Variants in APBA3 observed in about 807,000 individuals in gnomAD.
APBA3 encodes amyloid-beta A4 precursor protein-binding family A member 3.
In APBA3, 45 loss-of-function variants were observed where a neutral mutation model predicts 55.9. The ratio of observed to expected loss-of-function variants is 0.80; its 90% CI spans 0.63 to 1.03. The LOEUF (loss-of-function observed/expected upper bound fraction) is 1.03. Ranked by LOEUF, APBA3 falls within the 50% of genes least tolerant of loss-of-function variation. The pLI is 0.00. For missense variants in APBA3, 865 were observed against 820.3 expected (o/e 1.05, Z -0.67); for synonymous variants, 370 against 353.3 (o/e 1.05, Z -0.53).
At chr19:3,754,170 C>CG in intron 4 of APBA3, 25 bp downstream of exon 4, 1 of 1,543,494 alleles carries the variant, frequency 6.5e-7, no homozygotes. Context: ...CCCGCCTGCC[C>CG]GCCCGGCCCC....
chr19:3,760,570 A>G (rs1309862271), intron 1 of APBA3, among the ~76,000 whole-genome samples: 2 of 147,636 alleles, frequency 1.4e-5, no homozygotes, highest in Admixed American at 6.9e-5. Context: ...TAACATGGTG[A>G]AATTCCGTCT....
In APBA3 at chr19:3,752,868, G is replaced by C. The variant is rs1459945853; in HGVS notation, c.1134C>G (p.Leu378=). ...GVHPSPGACH[L]HNGDLDHFSN... ...AGAAGTGGTCCAGGTCCCCATTATGGAGGTGGCAGGCGCCTGGGCTCGGGT... is the reference window on the plus strand; with the variant it reads ...AGAAGTGGTCCAGGTCCCCATTATGCAGGTGGCAGGCGCCTGGGCTCGGGT... The change falls in exon 7 of 11, where the codon CTC becomes CTG. Residue 378 remains leucine (L), a synonymous_variant. Coordinates refer to ENST00000316757, the MANE Select transcript of APBA3 (RefSeq NM_004886.4). 6.2e-7 allele frequency: 1 copy of C among 1,613,300 alleles called. No homozygotes were observed. The highest frequency in any genetic ancestry group is 2.2e-5 in the East Asian group (1 of 44,864).
In APBA3 at chr19:3,752,952, G is replaced by A. The variant is rs367941981; in HGVS notation, c.1050C>T (p.Ala350=). ...LIAQAIGQAF[A]AAYSQFLRES... is the part of the protein sequence containing the mutation. ...CCCGTAGGAACTGGCTGTAGGCGGC[G>A]GCGAAGGCCTGGCCAATGGCCTGGG... The change falls in exon 7 of 11, where the codon GCC becomes GCT. Residue 350 remains alanine (A), a synonymous_variant. Transcript: ENST00000316757. 2.6e-5 allele frequency: 42 copies of A among 1,612,892 alleles called. No individual in the cohort carries two copies. Among genetic ancestry groups the A allele is most frequent in the Non-Finnish European group, 3.0e-5 (35 of 1,179,924 alleles).
At position 3,760,038 on chromosome 19, in the gene APBA3, G is replaced by A. The variant is rs1343066427; in HGVS notation, c.227C>T (p.Pro76Leu). The change falls in exon 2 of 11, where the codon CCA becomes CTA. Residue 76 changes from proline (P) to leucine (L), a missense_variant. Physicochemically the swap from Pro to Leu is moderately conservative, Grantham distance 98. Coordinates refer to ENST00000316757, the MANE Select transcript of APBA3 (RefSeq NM_004886.4). The stretch of plus-strand genomic sequence containing the variant: ...GTGTAGGGGACAGGGGGCTCCACCT[G>A]GGGATGGGCCCACCAGATCGCCTGG... The part of the protein sequence containing the change: ...ALPGDLVGPS[P>L]GGAPCPLHIA... 6.2e-7 allele frequency: 1 copy of A among 1,613,102 alleles called. No homozygotes were observed. Among genetic ancestry groups the A allele is most frequent in the Non-Finnish European group, 8.5e-7 (1 of 1,180,006 alleles).
Position 3,751,499 on chromosome 19 carries a change from T to G in APBA3, c.1450A>C (p.Thr484Pro), listed in dbSNP as rs1599170203. 6.3e-7 allele frequency: 1 copy of G among 1,582,152 alleles called. No individual in the cohort carries two copies. Among genetic ancestry groups the G allele is most frequent in the African/African-American group, 1.3e-5 (1 of 74,182 alleles). ...TGGGGCCGGTGGATGATGGCGGTGGTGACGGGAGGGCAGTGGACGATGCTG... is the reference window on the plus strand; with the variant it reads ...TGGGGCCGGTGGATGATGGCGGTGGGGACGGGAGGGCAGTGGACGATGCTG... The part of the protein sequence containing the change: ...TLSIVHCPPV[T>P]TAIIHRPHAR... The change falls in exon 9 of 11, where the codon ACC becomes CCC. Residue 484 changes from threonine to proline, a missense_variant. Physicochemically the swap from Thr to Pro is conservative, Grantham distance 38 (BLOSUM62 -1). Transcript: ENST00000316757.
chr19:3,756,628 C>G (rs753949800), intron 3 of APBA3: 1 of 151,878 alleles, frequency 6.6e-6, no homozygotes. Flanking sequence ...GAGGCTGAGG[C>G]GAGAGAATCG....
intron 3 of APBA3, among the ~76,000 whole-genome samples, chr19:3,756,811 G>A (rs946555641): frequency 7.2e-5 from 11 of 152,042 alleles, no homozygotes; most frequent in African/African-American, 2.7e-4. Context: ...GGCTCACGTT[G>A]TATTTCTATT....
intron 8 of APBA3, 114 bp from the exon 9 acceptor site, chr19:3,751,667 T>G (rs1437167002): frequency 8.0e-7 from 1 of 1,249,202 alleles, no homozygotes; most frequent in African/African-American, 1.5e-5. Flanking sequence ...GTCCAGGGGC[T>G]CAATTCTGGA....
At chr19:3,758,027 C>T (rs558586022) in intron 3 of APBA3, among the ~76,000 whole-genome samples, 8 of 152,070 alleles carry the variant, frequency 5.3e-5, no homozygotes, top group Admixed American at 2.0e-4. Flanking sequence ...CTCCGCCTCC[C>T]GGGTTCATGT....
chr19:3,751,023 T>C lies in APBA3; in HGVS notation c.*3A>G, dbSNP rs528792279. 1 of 1,556,052 alleles carries C rather than the reference T, an allele frequency of 6.4e-7. No individual in the cohort carries two copies. Among genetic ancestry groups the C allele is most frequent in the Non-Finnish European group, 8.7e-7 (1 of 1,149,730 alleles). ...GCACAGTGGCAGGCAAGGGATGAGG[T>C]GGTCACAGGTACACGGGCTGCTCCT... On this transcript the variant is annotated 3_prime_UTR_variant, in exon 11 of 11. Coordinates refer to ENST00000316757, the MANE Select transcript of APBA3 (RefSeq NM_004886.4).
chr19:3,755,963 C>G (rs995670419), intron 3 of APBA3: 1 of 152,070 alleles, frequency 6.6e-6, no homozygotes, highest in Non-Finnish European at 1.5e-5. Flanking sequence ...TTCTGGACAC[C>G]ACTAAGTGAA....
intron 8 of APBA3, 46 bp downstream of exon 8, chr19:3,752,462 T>C (rs1217942075): frequency 1.3e-6 from 2 of 1,502,078 alleles, no homozygotes; most frequent in African/African-American, 1.4e-5. Flanking sequence ...GGGACTCAGC[T>C]CCCCTTCCTG....
At chr19:3,754,598 A>C in intron 3 of APBA3, 1 of 477,036 alleles carries the variant, frequency 2.1e-6, no homozygotes, top group Non-Finnish European at 3.7e-6. Flanking sequence ...ATTCAAAGCC[A>C]GATCTAGCAC....
Position 3,753,765 on chromosome 19 carries a change from G to A in APBA3, c.1011C>T (p.Asp337=), listed in dbSNP as rs144436876. 3.7e-4 allele frequency: 568 copies of A among 1,519,932 alleles called. 2 individuals carry two copies. In the African/African-American group the frequency reaches 7.0e-3, roughly 19 times the overall value. 94.2% of individuals were successfully genotyped at this position (1,519,932 alleles called of 1,614,324 possible). A position where few individuals can be genotyped will look rare whatever the true frequency, so the allele number is the denominator to read the frequency against. ...KMLCHVFYAE[D]AQLIAQAIGQ... The stretch of plus-strand genomic sequence containing the variant: ...GTGGCCCCGCGCCCTGGCTGCTCAC[G>A]TCCTCCGCGTAGAATACGTGGCAGA... The change falls in exon 6 of 11, where the codon GAC becomes GAT. Residue 337 remains aspartate (D), a splice_region_variant and synonymous_variant. Coordinates refer to ENST00000316757, the MANE Select transcript of APBA3 (RefSeq NM_004886.4).
At chr19:3,751,380 C>T (rs368852560) in intron 9 of APBA3, 51 bp from the exon 10 acceptor site, 818 of 1,514,500 alleles carry the variant, frequency 5.4e-4, no homozygotes, top group African/African-American at 7.7e-4. Context: ...GCTCAGGGGC[C>T]GTGCTCAGGG....
In APBA3 at chr19:3,752,507, C is replaced by A. The variant is rs763349184; in HGVS notation, c.1395+1G>T. 3 of 1,568,440 alleles carry A rather than the reference C, an allele frequency of 1.9e-6. No homozygotes were observed. The highest frequency in any genetic ancestry group is 2.3e-5 in the South Asian group (2 of 86,056). On this transcript the variant is annotated splice_donor_variant, in intron 8 of 10. Transcript: ENST00000316757. LOFTEE classifies it high-confidence loss of function. ...GGGCCCTGCCACACCAGGAAACTCA[C>A]GCGGACAGCGGCCTGGCACGCAGCC...
Position 3,751,005 on chromosome 19 carries a change from G to T in APBA3, c.*21C>A. The T allele has an allele frequency of 6.4e-7, 1 of 1,554,600 alleles. No homozygotes were observed. The highest frequency in any genetic ancestry group is 1.2e-5 in the South Asian group (1 of 84,324). On this transcript the variant is annotated 3_prime_UTR_variant, in exon 11 of 11. Transcript: ENST00000316757. ...GGGGCCATGGAGGCGAAGGCACAGTGGCAGGCAAGGGATGAGGTGGTCACA... is the reference window on the plus strand; with the variant it reads ...GGGGCCATGGAGGCGAAGGCACAGTTGCAGGCAAGGGATGAGGTGGTCACA...
At position 3,751,352 on chromosome 19, in the gene APBA3, G is replaced by A. The variant is rs535187846; in HGVS notation, c.1516-23C>T. 30 of 1,521,616 alleles carry A rather than the reference G, an allele frequency of 2.0e-5. 1 individual carries two copies. The highest frequency in any genetic ancestry group is 2.3e-4 in the Middle Eastern group (1 of 4,370). 94.3% of individuals were successfully genotyped at this position (1,521,616 alleles called of 1,614,324 possible). A position where few individuals can be genotyped will look rare whatever the true frequency, so the allele number is the denominator to read the frequency against. On this transcript the variant is annotated intron_variant, in intron 9 of 10. Transcript: ENST00000316757. ...GATCTGGGGGAGAAAAGAGGGGGACGGGAAAGAGGTGGGGGCTGCTCAGGG... is the reference window on the plus strand; with the variant it reads ...GATCTGGGGGAGAAAAGAGGGGGACAGGAAAGAGGTGGGGGCTGCTCAGGG...
chr19:3,753,848 G>T lies in APBA3; in HGVS notation c.928C>A (p.Arg310=). ...IGCVLVLMAR[R]RLARRPAPQD... ...GGTGCCGGCCTCCGTGCCAGCCGCCGCCGCGCCATCAGCACCAGCACGCAG... is the reference window on the plus strand; with the variant it reads ...GGTGCCGGCCTCCGTGCCAGCCGCCTCCGCGCCATCAGCACCAGCACGCAG... Residue 310 remains arginine (R), a synonymous_variant, in exon 6 of 11, where the codon CGG becomes AGG. Coordinates refer to ENST00000316757, the MANE Select transcript of APBA3 (RefSeq NM_004886.4). 6.4e-7 allele frequency: 1 copy of T among 1,568,364 alleles called. No homozygotes were observed. The highest frequency in any genetic ancestry group is 8.6e-7 in the Non-Finnish European group (1 of 1,158,064).
Sources: gnomAD v4.1 joint callset for allele counts (sites outside exome capture counted in the v4.1 genomes callset) on GRCh38, gnomAD v4.1.1 for gene constraint, MANE v1.5 for transcripts, NCBI Gene and HGNC (gene_info 2026-07-23, HGNC 2026-07-21) for gene names.